Variants in ADAMTS13 observed in about 807,000 individuals in gnomAD.
ADAMTS13 encodes the protein A disintegrin and metalloproteinase with thrombospondin motifs 13.
ADAMTS13 carries 110 observed loss-of-function variants against 155.1 expected under a neutral mutation model. The observed-to-expected ratio is 0.71, with a 90% CI of 0.61 to 0.83. The LOEUF is 0.83. ADAMTS13 is among the 40% of genes least tolerant of loss of function. The pLI is 0.00. For synonymous variants in ADAMTS13, 758 were observed against 756.4 expected, an observed-to-expected ratio of 1.00 and a Z score of -0.03; for missense variants, 1,707 against 1,891.7, an observed-to-expected ratio of 0.90 and a Z score of 1.81.
rs1841682691 is a variant in ADAMTS13, at chr9:133,441,665, A to G, written c.1969-734A>G. On this transcript the variant is annotated intron_variant, in intron 16 of 28. Coordinates refer to ENST00000355699, the MANE Select transcript of ADAMTS13 (RefSeq NM_139027.6). The surrounding 1 kb of genome is among the most constrained non-coding windows in gnomAD (Gnocchi z 5.0). ...TACCCTCCTGAAGAGCCTTAGGCCCAGGAACCTGCTGAAGTTCTTCCTAGT... is the reference window on the plus strand; with the variant it reads ...TACCCTCCTGAAGAGCCTTAGGCCCGGGAACCTGCTGAAGTTCTTCCTAGT... Among the ~76,000 whole-genome samples the G allele has an allele frequency of 1.3e-5, 2 of 152,318 alleles. No individual in the cohort carries two copies. Among genetic ancestry groups the G allele is most frequent in the South Asian group, 4.1e-4 (2 of 4,824 alleles).
chr9:133,420,358 G>C (rs1351790384), upstream of ADAMTS13, among the ~76,000 whole-genome samples: 7 of 152,254 alleles, frequency 4.6e-5, 1 homozygote, highest in East Asian at 1.2e-3. Flanking sequence ...CCTGGCCCAG[G>C]TTTTCTTTTT....
chr9:133,445,181 C>G lies in ADAMTS13; in HGVS notation c.2610+129C>G, dbSNP rs1841973997. 1.8e-6 allele frequency: 2 copies of G among 1,083,254 alleles called. No homozygotes were observed. Among genetic ancestry groups the G allele is most frequent in the Admixed American group, 2.1e-5 (1 of 47,938 alleles). 67.1% of individuals were successfully genotyped at this position (1,083,254 alleles called of 1,614,324 possible). On this transcript the variant is annotated intron_variant, in intron 20 of 28. Coordinates refer to ENST00000355699, the MANE Select transcript of ADAMTS13 (RefSeq NM_139027.6). This position sits in a 1 kb window ranked among gnomAD's most constrained non-coding sequence, Gnocchi z 5.0. ...CACCATCCTTCTGTGGGAATGCTGT[C>G]TGAGGGCCACCCCTGCTCAGAAAAG...
chr9:133,431,693 C>T (rs1248365836), intron 8 of ADAMTS13, among the ~76,000 whole-genome samples: 3 of 152,052 alleles, frequency 2.0e-5, no homozygotes, highest in Admixed American at 1.3e-4. Context: ...CTCGCTCTGT[C>T]ACCCAGGCTG....
chr9:133,442,674 T>C lies in ADAMTS13; in HGVS notation c.2165T>C (p.Val722Ala). ...GCCAGGAAGGAGTTGGTGGAGACTG[T>C]CCAGTGCCAAGGGAGCCAGCAGCCA... ...DQARKELVETVQCQGSQQPPA... is the reference protein window; with the variant it reads ...DQARKELVETAQCQGSQQPPA... Residue 722 changes from valine (V) to alanine (A), a missense_variant, in exon 18 of 29, where the codon GTC (valine) becomes GCC (alanine). By Grantham distance (64) the Val-to-Ala change is moderately conservative. This residue lies in a region of ADAMTS13 where 961 missense variants were observed against 1,107.9 expected (regional missense o/e 0.87). Coordinates refer to ENST00000355699, the MANE Select transcript of ADAMTS13 (RefSeq NM_139027.6). 3 of 1,613,096 alleles carry C rather than the reference T, an allele frequency of 1.9e-6. No individual in the cohort carries two copies. The South Asian group carries it at 3.3e-5, about 18-fold the overall frequency.
rs147632514 is a variant in ADAMTS13, at chr9:133,430,662, G to A, written c.987+561G>A. On this transcript the variant is annotated intron_variant, in intron 8 of 28. Transcript: ENST00000355699. ...TCTTATACAATGTATAAAGTTTTAT[G>A]TGTTACTATAAATACAAGTCTTTTT... Among the ~76,000 whole-genome samples, 264 of 151,302 alleles carry A rather than the reference G, an allele frequency of 1.7e-3. 1 individual carries two copies. Among genetic ancestry groups the A allele is most frequent in the Non-Finnish European group, 2.9e-3 (200 of 67,850 alleles).
intron 28 of ADAMTS13, 144 bp downstream of exon 28, chr9:133,458,238 C>A: frequency 9.9e-7 from 1 of 1,007,478 alleles, no homozygotes; most frequent in Non-Finnish European, 1.5e-6. Flanking sequence ...GCTTCCTCCA[C>A]ATATTCACCA....
chr9:133,420,291 G>T (rs916046978), upstream of ADAMTS13, among the ~76,000 whole-genome samples: 5 of 152,194 alleles, frequency 3.3e-5, no homozygotes, highest in African/African-American at 1.2e-4. Flanking sequence ...CGCGTGCCTC[G>T]TGATCCACCT....
intron 11 of ADAMTS13, 113 bp downstream of exon 11, chr9:133,433,817 C>G: frequency 7.6e-7 from 1 of 1,309,314 alleles, no homozygotes; most frequent in Non-Finnish European, 1.1e-6. Flanking sequence ...ACATTGGGGC[C>G]AGGTGAGGTG....
At chr9:133,439,231 A>C in intron 14 of ADAMTS13, 135 bp from the exon 15 acceptor site, 1 of 748,352 alleles carries the variant, frequency 1.3e-6, no homozygotes. Flanking sequence ...TGCCCCCATG[A>C]CAGGGGACTC....
upstream of ADAMTS13, chr9:133,417,699 G>A (rs967668812): frequency 1.2e-6 from 2 of 1,614,154 alleles, no homozygotes; most frequent in African/African-American, 2.7e-5. Context: ...GCCGCTTGCT[G>A]GCTTCTTGCT....
Position 133,445,707 on chromosome 9 carries a change from C to T in ADAMTS13, c.2619C>T (p.Ala873=). 6.2e-7 allele frequency: 1 copy of T among 1,613,026 alleles called. No homozygotes were observed. Residue 873 remains alanine, a synonymous_variant, in exon 21 of 29, where the codon GCC becomes GCT. Transcript: ENST00000355699. The surrounding 1 kb of genome is among the most constrained non-coding windows in gnomAD (Gnocchi z 5.0). ...SCPPGWGHLD[A]TSAGEKAPSP... is the part of the protein sequence containing the mutation. Reference sequence around the variant, plus strand: ...GTTGCTATTCCCCACAGCTGGATGCCACCTCTGCAGGGGAGAAGGCTCCCT... The same window carrying T: ...GTTGCTATTCCCCACAGCTGGATGCTACCTCTGCAGGGGAGAAGGCTCCCT...
intron 15 of ADAMTS13, 80 bp downstream of exon 15, chr9:133,439,526 T>A: frequency 7.7e-7 from 1 of 1,297,306 alleles, no homozygotes; most frequent in South Asian, 1.2e-5. Context: ...CCCTCACTTC[T>A]GACATCACCC....
Position 133,453,871 on chromosome 9 carries a change from A to T in ADAMTS13, c.3045-544A>T, listed in dbSNP as rs1021275476. 2.6e-5 allele frequency among the ~76,000 whole-genome samples: 4 copies of T among 152,154 alleles called. No individual in the cohort carries two copies. The East Asian group carries it at 7.7e-4, about 29-fold the overall frequency. On this transcript the variant is annotated intron_variant, in intron 23 of 28. Coordinates refer to ENST00000355699, the MANE Select transcript of ADAMTS13 (RefSeq NM_139027.6). ...AAGCCGCGGAAGGCACGGGTCCAAGAGGCAGCGCTGCAGGGTCATGGGGGA... is the reference window on the plus strand; with the variant it reads ...AAGCCGCGGAAGGCACGGGTCCAAGTGGCAGCGCTGCAGGGTCATGGGGGA...
chr9:133,443,970 C>T (rs587657660), intron 19 of ADAMTS13, among the ~76,000 whole-genome samples: 61 of 152,270 alleles, frequency 4.0e-4, no homozygotes, highest in African/African-American at 1.3e-3. Flanking sequence ...CTGCCACTAA[C>T]GAGCTGAGTG....
At position 133,440,380 on chromosome 9, in the gene ADAMTS13, A is replaced by G. The variant is rs1554790343; in HGVS notation, c.1823A>G (p.Lys608Arg). 2 of 1,613,868 alleles carry G rather than the reference A, an allele frequency of 1.2e-6. No individual in the cohort carries two copies. The highest frequency in any genetic ancestry group is 1.3e-5 in the African/African-American group (1 of 74,942). The change falls in exon 16 of 29, where the codon AAG (lysine) becomes AGG (arginine). Residue 608 changes from lysine to arginine, a missense_variant. Physicochemically the swap from Lys to Arg is conservative, Grantham distance 26. This residue lies in a region of ADAMTS13 where 961 missense variants were observed against 1,107.9 expected (regional missense o/e 0.87). Transcript: ENST00000355699. The surrounding 1 kb of genome is among the most constrained non-coding windows in gnomAD (Gnocchi z 4.3). ...GGAGGGCGCTATGTCGTGGCTGGGA[A>G]GATGAGCATCTCCCCTAACACCACC... is the stretch of plus-strand genomic sequence containing the variant. ...RIGGRYVVAGKMSISPNTTYP... is the reference protein window; with the variant it reads ...RIGGRYVVAGRMSISPNTTYP...
At position 133,454,534 on chromosome 9, in the gene ADAMTS13, G is replaced by C; in HGVS notation, c.3164G>C (p.Cys1055Ser). The C allele has an allele frequency of 6.2e-7, 1 of 1,610,332 alleles. No homozygotes were observed. The highest frequency in any genetic ancestry group is 2.2e-5 in the East Asian group (1 of 44,886). ...GQDVEVDEAACAALVRPEASV... is the reference protein window; with the variant it reads ...GQDVEVDEAASAALVRPEASV... Reference sequence around the variant, plus strand: ...GACGTGGAGGTGGACGAGGCGGCCTGTGCGGCGCTGGTGCGGCCCGAGGCC... The same window carrying C: ...GACGTGGAGGTGGACGAGGCGGCCTCTGCGGCGCTGGTGCGGCCCGAGGCC... Residue 1055 changes from cysteine (C) to serine (S), a missense_variant, in exon 24 of 29, where the codon TGT becomes TCT. Cys to Ser is a moderately radical substitution (Grantham distance 112). Transcript: ENST00000355699.
chr9:133,425,453 C>G lies in ADAMTS13; in HGVS notation c.331-76C>G, dbSNP rs879728604. ...TCTCCAGCTCTTCACACTCCGGGGG[C>G]CCCTGGGAGTCAGCAGCTGCCTGGG... On this transcript the variant is annotated intron_variant, in intron 3 of 28. Transcript: ENST00000355699. This position sits in a 1 kb window ranked among gnomAD's most constrained non-coding sequence, Gnocchi z 4.6. 1 of 1,375,736 alleles carries G rather than the reference C, an allele frequency of 7.3e-7. No homozygotes were observed. 85.2% of individuals were successfully genotyped at this position (1,375,736 alleles called of 1,614,324 possible).
At chr9:133,452,276 C>A (rs1554794554) in intron 23 of ADAMTS13, among the ~76,000 whole-genome samples, 1 of 151,978 alleles carries the variant, frequency 6.6e-6, no homozygotes, top group East Asian at 1.9e-4. Flanking sequence ...CCACCCCCAA[C>A]TGATTTTGTG....
At position 133,425,294 on chromosome 9, in the gene ADAMTS13, G is replaced by A. The variant is rs1168582857; in HGVS notation, c.331-235G>A. Among the ~76,000 whole-genome samples, 1 of 152,202 alleles carries A rather than the reference G, an allele frequency of 6.6e-6. No homozygotes were observed. The highest frequency in any genetic ancestry group is 1.5e-5 in the Non-Finnish European group (1 of 68,040). On this transcript the variant is annotated intron_variant, in intron 3 of 28. Transcript: ENST00000355699. The surrounding 1 kb of genome is among the most constrained non-coding windows in gnomAD (Gnocchi z 4.6). ...CTGTGTGCTCTCATCCCCTTGCTTT[G>A]GAGTTTGTTTTCCTTGCGTTAGTTG...
Sources: allele counts gnomAD v4.1 joint callset (sites outside exome capture counted in the v4.1 genomes callset), GRCh38; gene constraint gnomAD v4.1.1; regional missense constraint gnomAD v4.1.1; non-coding constraint Gnocchi (gnomAD v3.1); transcripts MANE v1.5; gene names NCBI Gene and HGNC (gene_info 2026-07-23, HGNC 2026-07-21).